Variants in ROBO2 observed in about 807,000 individuals in gnomAD.
The protein encoded by ROBO2 is roundabout homolog 2.
ROBO2 carries 53 observed loss-of-function variants against 160.8 expected under a neutral mutation model. The ratio of observed to expected loss-of-function variants is 0.33; its 90% CI spans 0.26 to 0.41. ROBO2 has a LOEUF of 0.41. ROBO2 is among the 10% of genes least tolerant of loss of function. The pLI is 1.00. For missense variants in ROBO2, 1,577 were observed against 1,722.4 expected, an observed-to-expected ratio of 0.92 and a Z score of 1.49; for synonymous variants, 664 against 611.7, an observed-to-expected ratio of 1.09 and a Z score of -1.26.
chr3:76,557,781 C>G (rs1190130949), intron 2 of ROBO2, among the ~76,000 whole-genome samples: 1 of 151,500 alleles, frequency 6.6e-6, no homozygotes, highest in Non-Finnish European at 1.5e-5. Context: ...CCCCTTCCGT[C>G]ACTTGAAAAT....
chr3:77,645,111 C>G (rs1220099655), intron 25 of ROBO2, among the ~76,000 whole-genome samples: 1 of 152,128 alleles, frequency 6.6e-6, no homozygotes, highest in East Asian at 1.9e-4. Context: ...TGCTATTTCA[C>G]GTTGGATTTA....
intron 2 of ROBO2, among the ~76,000 whole-genome samples, chr3:77,373,928 T>C (rs1230779625): frequency 6.7e-6 from 1 of 149,880 alleles, no homozygotes; most frequent in East Asian, 2.0e-4. Flanking sequence ...TCCTAGCACT[T>C]TGGGAGGGAG....
chr3:76,754,755 CATT>C (rs1053425349), intron 2 of ROBO2, among the ~76,000 whole-genome samples: 6 of 151,764 alleles, frequency 4.0e-5, no homozygotes, highest in African/African-American at 1.5e-4. Context: ...ATTTGAGACT[CATT>C]ATTAATTAGG....
intron 2 of ROBO2, among the ~76,000 whole-genome samples, chr3:76,765,046 C>T (rs145316795): frequency 1.3e-3 from 197 of 151,720 alleles, no homozygotes; most frequent in African/African-American, 4.6e-3. Flanking sequence ...AATTTTTCAA[C>T]CCTCATCCCT....
intron 2 of ROBO2, among the ~76,000 whole-genome samples, chr3:76,784,303 G>A (rs1398030091): frequency 6.6e-6 from 1 of 151,118 alleles, no homozygotes; most frequent in African/African-American, 2.4e-5. Flanking sequence ...GGATTCTGGA[G>A]GGCTTGTAGA....
chr3:76,243,145 C>G (rs1705400731), intron 2 of ROBO2, among the ~76,000 whole-genome samples: 1 of 152,080 alleles, frequency 6.6e-6, no homozygotes, highest in South Asian at 2.1e-4. Context: ...ACCTTTTTCT[C>G]TCGGACTTCG....
chr3:76,399,393 G>A (rs984259139), intron 2 of ROBO2, among the ~76,000 whole-genome samples: 3 of 151,600 alleles, frequency 2.0e-5, no homozygotes, highest in Non-Finnish European at 4.4e-5. Context: ...TAGGACTGCA[G>A]AGTTTAAATG....
At chr3:76,312,112 G>A (rs1315831698) in intron 2 of ROBO2, among the ~76,000 whole-genome samples, 1 of 152,146 alleles carries the variant, frequency 6.6e-6, no homozygotes, top group African/African-American at 2.4e-5. Context: ...TATGTGTTTT[G>A]TGAATGCTGT....
intron 2 of ROBO2, among the ~76,000 whole-genome samples, chr3:77,350,131 G>A (rs866012513): frequency 3.3e-5 from 5 of 151,288 alleles, no homozygotes; most frequent in Middle Eastern, 3.5e-3. Flanking sequence ...TACATATGCC[G>A]TGTGCAGTGG....
intron 2 of ROBO2, among the ~76,000 whole-genome samples, chr3:76,419,824 A>G (rs1488343577): frequency 6.6e-6 from 1 of 152,208 alleles, no homozygotes; most frequent in Non-Finnish European, 1.5e-5. Flanking sequence ...GATTATATTC[A>G]TAATAAGTGT....
chr3:76,747,543 C>T lies in ROBO2; in HGVS notation c.110-350471C>T, dbSNP rs531079312. On this transcript the variant is annotated intron_variant, in intron 2 of 26. Transcript: ENST00000487694. Reference sequence around the variant, plus strand: ...TGACTTTTGCACCTTGTCATGAATACGTGAATATGTGAATGAAACTGCATG... The same window carrying T: ...TGACTTTTGCACCTTGTCATGAATATGTGAATATGTGAATGAAACTGCATG... 3.9e-5 allele frequency among the ~76,000 whole-genome samples: 6 copies of T among 151,908 alleles called. No homozygotes were observed. The East Asian group carries it at 5.8e-4, about 15-fold the overall frequency.
chr3:77,545,430 C>T (rs2092661118), intron 6 of ROBO2, among the ~76,000 whole-genome samples: 1 of 152,082 alleles, frequency 6.6e-6, no homozygotes, highest in Non-Finnish European at 1.5e-5. Context: ...GGTTTTACAA[C>T]ACCAAGGGAT....
At chr3:76,097,102 G>T (rs1559550225) in intron 2 of ROBO2, among the ~76,000 whole-genome samples, 1 of 152,174 alleles carries the variant, frequency 6.6e-6, no homozygotes, top group Admixed American at 6.5e-5. Context: ...ATCTGGACTG[G>T]TGGGAAATGT....
chr3:76,770,060 T>C (rs903535728), intron 2 of ROBO2, among the ~76,000 whole-genome samples: 7 of 151,514 alleles, frequency 4.6e-5, no homozygotes, highest in Non-Finnish European at 1.0e-4. Context: ...TTTAATACAA[T>C]ATTATTATCC....
intron 2 of ROBO2, among the ~76,000 whole-genome samples, chr3:76,371,009 C>A (rs1435088781): frequency 6.6e-6 from 1 of 151,876 alleles, no homozygotes; most frequent in Admixed American, 6.6e-5. Context: ...GAAAAGGATG[C>A]CTCCCCCATG....
At chr3:77,127,586 G>C (rs1386640897) in intron 2 of ROBO2, among the ~76,000 whole-genome samples, 1 of 152,234 alleles carries the variant, frequency 6.6e-6, no homozygotes, top group East Asian at 1.9e-4. Flanking sequence ...GATTTTCATT[G>C]TGTGGGTAAG....
At chr3:76,032,125 T>G (rs1342462082) in intron 2 of ROBO2, among the ~76,000 whole-genome samples, 1 of 152,206 alleles carries the variant, frequency 6.6e-6, no homozygotes, top group East Asian at 1.9e-4. Flanking sequence ...TTCTTCTAGA[T>G]TTTCTAATTT....
chr3:76,176,797 T>G (rs2073249215), intron 2 of ROBO2, among the ~76,000 whole-genome samples: 1 of 152,156 alleles, frequency 6.6e-6, no homozygotes, highest in Non-Finnish European at 1.5e-5. Flanking sequence ...TAAAGGCCAT[T>G]ATTAACAGTC....
At chr3:76,786,327 G>C (rs970092288) in intron 2 of ROBO2, among the ~76,000 whole-genome samples, 2 of 151,244 alleles carry the variant, frequency 1.3e-5, no homozygotes, top group Non-Finnish European at 3.0e-5. Flanking sequence ...ACCTGAGACT[G>C]GGTAATTTAT....
Sources: gnomAD v4.1 joint callset for allele counts (sites outside exome capture counted in the v4.1 genomes callset) on GRCh38, gnomAD v4.1.1 for gene constraint, MANE v1.5 for transcripts, NCBI Gene and HGNC (gene_info 2026-07-23, HGNC 2026-07-21) for gene names.